The following DTL variants were observed in gnomAD, a reference collection of about 807,000 sequenced individuals.
DTL encodes denticleless protein homolog.
In DTL, 46 loss-of-function variants were observed where a neutral mutation model predicts 87.0. The observed-to-expected ratio is 0.53, with a 90% confidence interval of 0.42 to 0.68. DTL has a LOEUF of 0.68. Among genes scored for constraint, DTL ranks in the 30% least tolerant of loss-of-function variants. The pLI, the probability that DTL is intolerant of heterozygous loss-of-function variation, is 0.00. For synonymous variants in DTL, 308 were observed against 311.2 expected (o/e 0.99, Z 0.11); for missense variants, 737 against 869.4 (o/e 0.85, Z 1.91).
chr1:212,096,147 T>G (rs1655438609), intron 13 of DTL, among the ~76,000 whole-genome samples: 1 of 152,226 alleles, frequency 6.6e-6, no homozygotes, highest in Non-Finnish European at 1.5e-5. Flanking sequence ...TTTTCTAGTT[T>G]GTGAGCACAA....
Position 212,045,031 on chromosome 1 carries a change from T to A in DTL, c.277+273T>A, listed in dbSNP as rs1667768154. On this transcript the variant is annotated intron_variant, in intron 3 of 14. Coordinates refer to ENST00000366991, the MANE Select transcript of DTL (RefSeq NM_016448.4). ...CAGAGGTCACATGGCAAGAGAAGGG[T>A]GTACTACCAAGCTCTTTTTTAACAA... Among the ~76,000 whole-genome samples, 3 of 151,988 alleles carry A rather than the reference T, an allele frequency of 2.0e-5. 1 individual carries two copies. The South Asian group carries it at 6.2e-4, about 32-fold the overall frequency.
intron 5 of DTL, among the ~76,000 whole-genome samples, chr1:212,057,587 C>T (rs1282082139): frequency 6.6e-6 from 1 of 152,008 alleles, no homozygotes; most frequent in Non-Finnish European, 1.5e-5. Flanking sequence ...TAAGCAAACA[C>T]ACAAACAAGA....
At chr1:212,088,382 A>G (rs1200674976) in intron 13 of DTL, among the ~76,000 whole-genome samples, 3 of 152,216 alleles carry the variant, frequency 2.0e-5, no homozygotes, top group Admixed American at 6.5e-5. Context: ...ACTACGCACT[A>G]TAGGGGCACT....
intron 13 of DTL, among the ~76,000 whole-genome samples, chr1:212,091,685 A>G (rs1318631778): frequency 1.3e-5 from 2 of 152,230 alleles, no homozygotes; most frequent in Admixed American, 6.5e-5. Context: ...AATAAGCCAG[A>G]CAGAGAAAGA....
intron 8 of DTL, among the ~76,000 whole-genome samples, chr1:212,067,977 TTAGAG>T (rs1351579388): frequency 2.6e-5 from 4 of 152,198 alleles, no homozygotes; most frequent in East Asian, 1.9e-4. Flanking sequence ...TTCCGTTCTC[TTAGAG>T]TAAACTCCAG....
chr1:212,048,448 C>T (rs769869313), intron 5 of DTL, among the ~76,000 whole-genome samples: 1 of 152,212 alleles, frequency 6.6e-6, no homozygotes, highest in African/African-American at 2.4e-5. Context: ...GCCTCGGCCT[C>T]CTAAAGTGCT....
At chr1:212,078,055 G>A in intron 11 of DTL, 118 bp from the exon 12 acceptor site, 5 of 563,002 alleles carry the variant, frequency 8.9e-6, no homozygotes, top group South Asian at 2.6e-5. Flanking sequence ...AGCTAGGCAG[G>A]TCTAGTGGCC....
intron 5 of DTL, among the ~76,000 whole-genome samples, chr1:212,052,302 T>G (rs916316204): frequency 6.6e-6 from 1 of 152,192 alleles, no homozygotes. Context: ...TATTTGTAAA[T>G]TCCTTTTTAC....
intron 13 of DTL, among the ~76,000 whole-genome samples, chr1:212,084,955 C>T (rs907153747): frequency 6.6e-6 from 1 of 152,122 alleles, no homozygotes; most frequent in Admixed American, 6.5e-5. Context: ...TTGCCTATAA[C>T]CTATGTACAT....
intron 10 of DTL, among the ~76,000 whole-genome samples, chr1:212,070,052 G>A (rs76722178): frequency 6.6e-6 from 1 of 152,306 alleles, no homozygotes; most frequent in African/African-American, 2.4e-5. Flanking sequence ...ATCTGAGCTT[G>A]GAGAGCTGCT....
chr1:212,088,619 T>C (rs1655195517), intron 13 of DTL, among the ~76,000 whole-genome samples: 1 of 152,142 alleles, frequency 6.6e-6, no homozygotes, highest in Non-Finnish European at 1.5e-5. Context: ...ATGAGAAGAA[T>C]TTCTGCCTGG....
intron 7 of DTL, among the ~76,000 whole-genome samples, chr1:212,065,896 G>A (rs891545204): frequency 1.2e-4 from 19 of 152,056 alleles, no homozygotes; most frequent in African/African-American, 4.1e-4. Context: ...TAGTAGAGAC[G>A]GGGTTTCACC....
chr1:212,066,691 A>G (rs1654516378), intron 7 of DTL, 121 bp from the exon 8 acceptor site: 1 of 714,650 alleles, frequency 1.4e-6, no homozygotes, highest in Non-Finnish European at 2.4e-6. Context: ...GATCGAGATC[A>G]TTAGACAAGA....
chr1:212,101,126 AG>A, intron 14 of DTL, 42 bp downstream of exon 14: 1 of 1,393,906 alleles, frequency 7.2e-7, no homozygotes, highest in Non-Finnish European at 9.7e-7. Context: ...CTAACTTAAA[AG>A]GGGCCAGACA....
intron 5 of DTL, among the ~76,000 whole-genome samples, chr1:212,052,593 C>T (rs1668021805): frequency 6.7e-6 from 1 of 149,942 alleles, no homozygotes; most frequent in Non-Finnish European, 1.5e-5. Context: ...GCTGAGATCG[C>T]ACCACTGCAC....
At chr1:212,085,063 A>G (rs1334763042) in intron 13 of DTL, among the ~76,000 whole-genome samples, 4 of 152,244 alleles carry the variant, frequency 2.6e-5, no homozygotes, top group African/African-American at 9.6e-5. Flanking sequence ...TTAGGGAATA[A>G]TGACAGGAAA....
intron 5 of DTL, among the ~76,000 whole-genome samples, chr1:212,060,903 T>C (rs1485144098): frequency 6.6e-6 from 1 of 151,934 alleles, no homozygotes; most frequent in Non-Finnish European, 1.5e-5. Context: ...AACAAATAGA[T>C]AAACTAGACT....
chr1:212,073,681 T>C (rs1170940064), intron 11 of DTL, among the ~76,000 whole-genome samples: 1 of 152,164 alleles, frequency 6.6e-6, no homozygotes, highest in Non-Finnish European at 1.5e-5. Flanking sequence ...GGTGGAAATA[T>C]TGCTCTATCC....
chr1:212,096,711 T>G (rs1655463356), intron 13 of DTL, among the ~76,000 whole-genome samples: 1 of 152,238 alleles, frequency 6.6e-6, no homozygotes, highest in Non-Finnish European at 1.5e-5. Context: ...ACTTCCAATT[T>G]TATTCCACTA....
Sources: gnomAD v4.1 joint callset for allele counts (sites outside exome capture counted in the v4.1 genomes callset) on GRCh38, gnomAD v4.1.1 for gene constraint, MANE v1.5 for transcripts, NCBI Gene and HGNC (gene_info 2026-07-23, HGNC 2026-07-21) for gene names.